Variants in PTPRB observed in about 807,000 individuals in gnomAD.
The protein encoded by PTPRB is protein tyrosine phosphatase receptor type B.
PTPRB carries 97 observed loss-of-function variants against 238.1 expected under a neutral mutation model. The ratio of observed to expected loss-of-function variants is 0.41; its 90% CI spans 0.35 to 0.48. The LOEUF (loss-of-function observed/expected upper bound fraction) is 0.48. Ranked by LOEUF, PTPRB falls within the 20% of genes least tolerant of loss-of-function variation. The probability of loss-of-function intolerance (pLI) is 0.30; values close to 1 mark genes in which losing one functional copy is unlikely to be tolerated. For synonymous variants in PTPRB, 970 were observed against 995.4 expected, an observed-to-expected ratio of 0.97 and a Z score of 0.48; for missense variants, 2,292 against 2,681.9, an observed-to-expected ratio of 0.85 and a Z score of 3.21.
chr12:70,613,454 C>G (rs1884549152), intron 3 of PTPRB, among the ~76,000 whole-genome samples: 1 of 152,080 alleles, frequency 6.6e-6, no homozygotes, highest in African/African-American at 2.4e-5. Flanking sequence ...GCTCTTGTGC[C>G]TGTCATTTCC....
intron 32 of PTPRB, among the ~76,000 whole-genome samples, chr12:70,531,204 T>G (rs1410286074): frequency 6.6e-6 from 1 of 152,184 alleles, no homozygotes; most frequent in African/African-American, 2.4e-5. Context: ...TGCAGGAAGC[T>G]CTCTTTTTAT....
intron 21 of PTPRB, among the ~76,000 whole-genome samples, chr12:70,551,409 A>G (rs1209174884): frequency 6.6e-6 from 1 of 152,200 alleles, no homozygotes; most frequent in African/African-American, 2.4e-5. Context: ...GGGTAAAGGT[A>G]GCTTTACAGA....
intron 3 of PTPRB, among the ~76,000 whole-genome samples, chr12:70,611,094 A>G (rs1252189946): frequency 2.6e-5 from 4 of 152,200 alleles, no homozygotes; most frequent in Non-Finnish European, 4.4e-5. Flanking sequence ...TTGGAGCACC[A>G]TCCCTAACAA....
chr12:70,534,971 C>T lies in PTPRB; in HGVS notation c.6082-16G>A. On this transcript the variant is annotated splice_polypyrimidine_tract_variant and intron_variant, in intron 29 of 33. Transcript: ENST00000334414. ...CACACTTTACCTAGAACAGGACAGA[C>T]AGAAAAAACATGAGTCCGGAAAAGT... 1 of 1,599,550 alleles carries T rather than the reference C, an allele frequency of 6.3e-7. No homozygotes were observed. Among genetic ancestry groups the T allele is most frequent in the Non-Finnish European group, 8.5e-7 (1 of 1,172,044 alleles).
At chr12:70,635,564 A>G (rs1885643360) in intron 2 of PTPRB, 107 bp downstream of exon 2, 1 of 1,324,020 alleles carries the variant, frequency 7.6e-7, no homozygotes, top group Admixed American at 2.5e-5. Context: ...ATGTTGGGGC[A>G]TGTGGACTTC....
In PTPRB at chr12:70,609,929, G is replaced by A. The variant is rs1350048206; in HGVS notation, c.709-590C>T. 4.1e-6 allele frequency: 4 copies of A among 965,942 alleles called. No homozygotes were observed. The African/African-American group carries it at 7.0e-5, about 17-fold the overall frequency. 59.8% of individuals were successfully genotyped at this position (965,942 alleles called of 1,614,324 possible). ...GCTCAGCGCGCCCCGTGGGCGCAGC[G>A]CGCTTCCCTCGGGGCTGGCGACGCG... On this transcript the variant is annotated intron_variant, in intron 3 of 33. Transcript: ENST00000334414.
At chr12:70,633,894 G>T (rs1432579250) in intron 2 of PTPRB, among the ~76,000 whole-genome samples, 1 of 151,896 alleles carries the variant, frequency 6.6e-6, no homozygotes, top group Non-Finnish European at 1.5e-5. Flanking sequence ...TTGGGGTTTG[G>T]GGATGAATCT....
chr12:70,595,292 C>G (rs541337602), intron 5 of PTPRB, among the ~76,000 whole-genome samples: 14 of 151,886 alleles, frequency 9.2e-5, no homozygotes, highest in African/African-American at 3.4e-4. Flanking sequence ...ACACGGGGAC[C>G]TGTTGGGGGG....
intron 4 of PTPRB, among the ~76,000 whole-genome samples, chr12:70,602,436 G>A (rs1035797875): frequency 2.6e-5 from 4 of 152,122 alleles, no homozygotes; most frequent in Admixed American, 2.0e-4. Context: ...GAAGTCCCCT[G>A]GACCCCTCTT....
At position 70,572,042 on chromosome 12, in the gene PTPRB, C is replaced by A; in HGVS notation, c.2888G>T (p.Ser963Ile). 6.2e-7 allele frequency: 1 copy of A among 1,613,622 alleles called. No homozygotes were observed. Among genetic ancestry groups the A allele is most frequent in the Non-Finnish European group, 8.5e-7 (1 of 1,179,572 alleles). Residue 963 changes from serine to isoleucine, a missense_variant, in exon 12 of 34, where the codon AGT becomes ATT. Physicochemically the swap from Ser to Ile is moderately radical, Grantham distance 142. This residue lies in a region of PTPRB where 1,205 missense variants were observed against 1,287.8 expected (regional missense o/e 0.94). Coordinates refer to ENST00000334414, the MANE Select transcript of PTPRB (RefSeq NM_001109754.4). ...QGVSVSNSAR[S>I]DYLRVSWVHA... is the part of the protein sequence containing the mutation. ...CACCCAGGATACCCTTAAATAGTCA[C>A]TCCTGGCTGAGTTGCTAACACTGAC... is the stretch of plus-strand genomic sequence containing the variant.
intron 4 of PTPRB, among the ~76,000 whole-genome samples, chr12:70,597,395 T>C (rs904816003): frequency 3.9e-5 from 6 of 152,158 alleles, no homozygotes; most frequent in Admixed American, 3.3e-4. Flanking sequence ...ATCTCCACCA[T>C]TGAACTTGAA....
intron 32 of PTPRB, among the ~76,000 whole-genome samples, chr12:70,528,897 T>C (rs1872773323): frequency 8.0e-6 from 1 of 125,068 alleles, no homozygotes; most frequent in Non-Finnish European, 1.6e-5. Context: ...GTTTTTGTTG[T>C]TGTTTTCTGT....
At chr12:70,524,926 T>G (rs1872177377) in intron 32 of PTPRB, among the ~76,000 whole-genome samples, 1 of 149,302 alleles carries the variant, frequency 6.7e-6, no homozygotes, top group Admixed American at 6.7e-5. Context: ...TGTATATATG[T>G]GTGTATATGT....
At position 70,517,918 on chromosome 12, in the gene PTPRB, A is replaced by G. The variant is rs1214919377; in HGVS notation, c.*3571T>C. 6.6e-6 allele frequency: 1 copy of G among 152,244 alleles called. No individual in the cohort carries two copies. Among genetic ancestry groups the G allele is most frequent in the Non-Finnish European group, 1.5e-5 (1 of 68,042 alleles). The allele number at this position is 152,244 out of a possible 1,614,324, so 9.4% of individuals were successfully genotyped here. A position where few individuals can be genotyped will look rare whatever the true frequency, so the allele number is the denominator to read the frequency against. Reference sequence around the variant, plus strand: ...GCAAAAGGTAAGGAAAATGTTTAACATAAGAAACTGGATCCTTAAACAGCA... The same window carrying G: ...GCAAAAGGTAAGGAAAATGTTTAACGTAAGAAACTGGATCCTTAAACAGCA... On this transcript the variant is annotated 3_prime_UTR_variant, in exon 34 of 34. Coordinates refer to ENST00000334414, the MANE Select transcript of PTPRB (RefSeq NM_001109754.4).
intron 9 of PTPRB, among the ~76,000 whole-genome samples, chr12:70,586,733 T>G (rs1226041484): frequency 2.0e-5 from 3 of 152,234 alleles, no homozygotes; most frequent in Non-Finnish European, 4.4e-5. Context: ...GATGCTGCCC[T>G]ATTTCTCTGC....
chr12:70,564,858 TAATAA>T, intron 15 of PTPRB, among the ~76,000 whole-genome samples: 1 of 92,146 alleles, frequency 1.1e-5, no homozygotes. Flanking sequence ...ATAATAATAA[TAATAA>T]TAATAATAAT....
chr12:70,536,997 A>G (rs1011796448), intron 28 of PTPRB, among the ~76,000 whole-genome samples: 4 of 152,184 alleles, frequency 2.6e-5, no homozygotes, highest in African/African-American at 9.6e-5. Flanking sequence ...TCAGAAATGC[A>G]GACTCGGCCG....
At chr12:70,582,503 C>T (rs965817698) in intron 9 of PTPRB, among the ~76,000 whole-genome samples, 2 of 151,920 alleles carry the variant, frequency 1.3e-5, no homozygotes, top group African/African-American at 4.8e-5. Context: ...ATTGAGAGCC[C>T]AGAGATAGAA....
Position 70,518,447 on chromosome 12 carries a change from T to C in PTPRB, c.*3042A>G, listed in dbSNP as rs975626879. 6.6e-5 allele frequency: 10 copies of C among 152,108 alleles called. No homozygotes were observed. The highest frequency in any genetic ancestry group is 1.9e-4 in the African/African-American group (8 of 41,392). The allele number at this position is 152,108 out of a possible 1,614,324, so 9.4% of individuals were successfully genotyped here. A position where few individuals can be genotyped will look rare whatever the true frequency, so the allele number is the denominator to read the frequency against. ...TTCATTTCAAAAAAAAGTGAAATTA[T>C]GGTCATCTCTTTGATGATGTGGAAC... On this transcript the variant is annotated 3_prime_UTR_variant, in exon 34 of 34. Coordinates refer to ENST00000334414, the MANE Select transcript of PTPRB (RefSeq NM_001109754.4).
Sources: allele counts gnomAD v4.1 joint callset (sites outside exome capture counted in the v4.1 genomes callset), GRCh38; gene constraint gnomAD v4.1.1; regional missense constraint gnomAD v4.1.1; transcripts MANE v1.5; gene names NCBI Gene and HGNC (gene_info 2026-07-23, HGNC 2026-07-21).